The following CDHR3 variants were observed in gnomAD, a reference collection of about 807,000 sequenced individuals.
The protein encoded by CDHR3 is cadherin related family member 3, also known as cadherin-related family member 3.
Under a neutral mutation model 86.6 loss-of-function variants are expected in CDHR3, and 79 were observed. The ratio of observed to expected loss-of-function variants is 0.91; its 90% CI spans 0.76 to 1.10. CDHR3 has a LOEUF of 1.10. Ranked by LOEUF, CDHR3 falls within the 50% of genes least tolerant of loss-of-function variation. The pLI, the probability that CDHR3 is intolerant of heterozygous loss-of-function variation, is 0.00. For synonymous variants in CDHR3, 421 were observed against 402.4 expected (o/e 1.05, Z -0.55); for missense variants, 1,081 against 1,077.6 (o/e 1.00, Z -0.04).
At chr7:106,015,012 C>T in intron 9 of CDHR3, 99 bp from the exon 10 acceptor site, 1 of 949,810 alleles carries the variant, frequency 1.1e-6, no homozygotes, top group Non-Finnish European at 1.5e-6. Flanking sequence ...AGCGTTTTGC[C>T]AATTTATATA....
intron 8 of CDHR3, among the ~76,000 whole-genome samples, chr7:106,008,345 C>G (rs1242106217): frequency 6.6e-6 from 1 of 152,182 alleles, no homozygotes; most frequent in African/African-American, 2.4e-5. Context: ...TCTCCATTCC[C>G]AAAAGCAGCT....
chr7:106,016,062 A>G, intron 11 of CDHR3, 37 bp downstream of exon 11: 1 of 1,367,950 alleles, frequency 7.3e-7, no homozygotes, highest in Non-Finnish European at 1.0e-6. Context: ...GAGTGCTGTC[A>G]ATGGACTCCA....
rs1838601647 is a variant in CDHR3 at position 106,032,990 on chromosome 7, G to C, written c.*293G>C. 2.6e-6 allele frequency: 1 copy of C among 380,512 alleles called. No homozygotes were observed. The highest frequency in any genetic ancestry group is 4.8e-6 in the Non-Finnish European group (1 of 209,810). 23.6% of individuals were successfully genotyped at this position (380,512 alleles called of 1,614,324 possible). Reference sequence around the variant, plus strand: ...TGTGGAATTGTTGTGTTTCTTCTTTGCATTGACTGCTAGGAAGCTCTATTC... The same window carrying C: ...TGTGGAATTGTTGTGTTTCTTCTTTCCATTGACTGCTAGGAAGCTCTATTC... On this transcript the variant is annotated 3_prime_UTR_variant, in exon 19 of 19. Coordinates refer to ENST00000317716, the MANE Select transcript of CDHR3 (RefSeq NM_152750.5).
At chr7:106,008,000 T>G (rs1304093644) in intron 8 of CDHR3, among the ~76,000 whole-genome samples, 1 of 152,192 alleles carries the variant, frequency 6.6e-6, no homozygotes, top group Non-Finnish European at 1.5e-5. Flanking sequence ...GAGCAAGTCA[T>G]GTCTTACGTG....
chr7:106,017,071 T>G (rs1478347973), intron 11 of CDHR3, among the ~76,000 whole-genome samples: 1 of 152,232 alleles, frequency 6.6e-6, no homozygotes, highest in Non-Finnish European at 1.5e-5. Context: ...AAATCTATAA[T>G]CTGTAATCAT....
intron 3 of CDHR3, 112 bp from the exon 4 acceptor site, chr7:105,984,080 C>T: frequency 1.9e-6 from 1 of 518,894 alleles, no homozygotes; most frequent in Non-Finnish European, 3.4e-6. Context: ...TTCTTGGTCC[C>T]ACGATGCCAA....
Position 106,001,543 on chromosome 7 carries a change from T to C in CDHR3, c.795T>C (p.Asp265=). Residue 265 remains aspartate, a synonymous_variant, in exon 7 of 19, where the codon GAT becomes GAC. Coordinates refer to ENST00000317716, the MANE Select transcript of CDHR3 (RefSeq NM_152750.5). ...VANITAEDPD[D]EGFPSHLLYS... Reference sequence around the variant, plus strand: ...ATATCACAGCGGAGGATCCTGATGATGAAGGTTTTCCCAGCCACCTCCTCT... The same window carrying C: ...ATATCACAGCGGAGGATCCTGATGACGAAGGTTTTCCCAGCCACCTCCTCT... The C allele has an allele frequency of 6.2e-7, 1 of 1,613,992 alleles. No homozygotes were observed. Among genetic ancestry groups the C allele is most frequent in the Non-Finnish European group, 8.5e-7 (1 of 1,179,890 alleles).
intron 1 of CDHR3, among the ~76,000 whole-genome samples, chr7:105,964,192 A>G (rs1336834492): frequency 2.0e-5 from 3 of 152,010 alleles, no homozygotes. Context: ...TTTTCTTAGG[A>G]GTATTTTGAG....
rs113955296 is a variant in CDHR3, at chr7:105,996,229, C to T, written c.609-21C>T. 815 of 1,359,518 alleles carry T rather than the reference C, an allele frequency of 6.0e-4. 9 individuals carry two copies. The African/African-American group carries it at 9.5e-3, about 16-fold the overall frequency. The allele number at this position is 1,359,518 out of a possible 1,614,324, so 84.2% of individuals were successfully genotyped here. The stretch of plus-strand genomic sequence containing the variant: ...GTGCCAGCAAAGCTTGATTCTCTCA[C>T]GTGGAATGTTTCCCTGGCAGTTTCC... On this transcript the variant is annotated intron_variant, in intron 5 of 18. Transcript: ENST00000317716.
intron 13 of CDHR3, among the ~76,000 whole-genome samples, chr7:106,021,844 C>T (rs1194379640): frequency 6.6e-6 from 1 of 152,206 alleles, no homozygotes; most frequent in Non-Finnish European, 1.5e-5. Flanking sequence ...CGTGTTGTTA[C>T]CAAATAATTG....
rs775694822 is a variant in CDHR3, at chr7:106,001,495, G to A, written c.747G>A (p.Leu249=). ...GAGTGTACACAGTCCTGGAGGAACT[G>A]AGTCCAGGAACCATCGTGGCCAATA... is the stretch of plus-strand genomic sequence containing the variant. ...PTRVYTVLEE[L]SPGTIVANIT... Residue 249 remains leucine, a synonymous_variant, in exon 7 of 19, where the codon CTG becomes CTA. Coordinates refer to ENST00000317716, the MANE Select transcript of CDHR3 (RefSeq NM_152750.5). The A allele has an allele frequency of 5.6e-6, 9 of 1,614,040 alleles. No individual in the cohort carries two copies. Among genetic ancestry groups the A allele is most frequent in the African/African-American group, 1.3e-5 (1 of 75,054 alleles).
At chr7:105,993,620 G>A (rs894751623) in intron 4 of CDHR3, among the ~76,000 whole-genome samples, 2 of 142,032 alleles carry the variant, frequency 1.4e-5, no homozygotes, top group African/African-American at 5.2e-5. Context: ...AGGCTGCAGT[G>A]AGCCATGATA....
intron 9 of CDHR3, among the ~76,000 whole-genome samples, chr7:106,014,533 A>C (rs1835279362): frequency 6.6e-6 from 1 of 152,182 alleles, no homozygotes; most frequent in Non-Finnish European, 1.5e-5. Context: ...AGATGGGAGG[A>C]TCATTTGAGG....
intron 1 of CDHR3, among the ~76,000 whole-genome samples, chr7:105,969,105 A>T (rs79292434): frequency 0.17 from 25,040 of 145,466 alleles, 2,369 homozygotes; most frequent in East Asian, 0.3. Flanking sequence ...AAATAAAAAT[A>T]AAAAAAGTGG....
intron 1 of CDHR3, 74 bp downstream of exon 1, chr7:105,963,438 C>T: frequency 6.7e-7 from 1 of 1,501,024 alleles, no homozygotes; most frequent in Non-Finnish European, 9.3e-7. Context: ...GACAATGTCC[C>T]CCAGAAAGGA....
chr7:105,996,448 G>GC, intron 6 of CDHR3, 94 bp downstream of exon 6: 1 of 647,428 alleles, frequency 1.5e-6, no homozygotes. Flanking sequence ...AAGGCAGAGG[G>GC]ATGCCCTTTG....
chr7:105,976,982 C>CTT (rs11334460), intron 2 of CDHR3, among the ~76,000 whole-genome samples: 11,196 of 128,350 alleles, frequency 0.087, 865 homozygotes, highest in East Asian at 0.4. Context: ...TACCTGATCT[C>CTT]TTTTTTTTTT....
chr7:105,984,432 G>A (rs191043769), intron 4 of CDHR3, 143 bp downstream of exon 4: 2 of 514,372 alleles, frequency 3.9e-6, no homozygotes, highest in Non-Finnish European at 6.9e-6. Context: ...GTGTATGCAG[G>A]ATGGTTGGAA....
intron 9 of CDHR3, among the ~76,000 whole-genome samples, 197 bp downstream of exon 9, chr7:106,013,228 A>C (rs960093991): frequency 5.3e-5 from 8 of 152,192 alleles, no homozygotes; most frequent in Non-Finnish European, 1.0e-4. Flanking sequence ...TTTGTTACAC[A>C]TAGTTGTGCC....
Sources: allele counts gnomAD v4.1 joint callset (sites outside exome capture counted in the v4.1 genomes callset), GRCh38; gene constraint gnomAD v4.1.1; transcripts MANE v1.5; gene names NCBI Gene and HGNC (gene_info 2026-07-23, HGNC 2026-07-21).